NALF1: variants seen among roughly 807,000 people sequenced by gnomAD.
NALF1 encodes NALCN channel auxiliary factor 1.
In NALF1, 3 loss-of-function variants were observed where a neutral mutation model predicts 48.4. The ratio of observed to expected loss-of-function variants is 0.06; its 90% CI spans 0.03 to 0.16. NALF1 has a LOEUF of 0.16. NALF1 is among the 10% of genes least tolerant of loss of function. The pLI is 1.00. For missense variants in NALF1, 526 were observed against 571.5 expected (o/e 0.92, Z 0.81); for synonymous variants, 262 against 245.7 (o/e 1.07, Z -0.62).
intron 1 of NALF1, among the ~76,000 whole-genome samples, chr13:107,748,174 A>G (rs1464462921): frequency 6.6e-6 from 1 of 152,190 alleles, no homozygotes; most frequent in African/African-American, 2.4e-5. Context: ...TGAAAAGGAT[A>G]AGAAAATGAA....
intron 1 of NALF1, among the ~76,000 whole-genome samples, chr13:107,646,290 T>TAA (rs80217872): frequency 5.3e-5 from 7 of 132,292 alleles, no homozygotes; most frequent in Non-Finnish European, 8.2e-5. Flanking sequence ...GCCAACTTCT[T>TAA]AAAAAAAAAA....
chr13:107,529,976 G>A (rs572472264), intron 1 of NALF1, among the ~76,000 whole-genome samples: 44 of 152,180 alleles, frequency 2.9e-4, no homozygotes, highest in African/African-American at 1.0e-3. Context: ...CAGCTTTCAA[G>A]AGGAAGATGA....
intron 1 of NALF1, among the ~76,000 whole-genome samples, chr13:107,744,325 G>A (rs924448932): frequency 6.6e-6 from 1 of 152,154 alleles, no homozygotes; most frequent in Non-Finnish European, 1.5e-5. Context: ...AGATTGCCTC[G>A]AGAATTTTAA....
intron 1 of NALF1, among the ~76,000 whole-genome samples, chr13:107,518,691 C>G (rs1876139924): frequency 6.6e-6 from 1 of 152,072 alleles, no homozygotes; most frequent in Non-Finnish European, 1.5e-5. Flanking sequence ...AGAGAATGAT[C>G]ACTGCTTTAG....
chr13:107,720,108 A>C (rs926439670), intron 1 of NALF1, among the ~76,000 whole-genome samples: 1 of 152,158 alleles, frequency 6.6e-6, no homozygotes, highest in African/African-American at 2.4e-5. Context: ...ACTTTATTCC[A>C]TAGCGTTTTG....
intron 1 of NALF1, among the ~76,000 whole-genome samples, chr13:107,327,599 T>C (rs1462011445): frequency 2.0e-5 from 3 of 151,090 alleles, no homozygotes; most frequent in Non-Finnish European, 4.4e-5. Flanking sequence ...TAATTTCAGC[T>C]TGATGAAACA....
At chr13:107,429,592 C>A (rs1884340757) in intron 1 of NALF1, among the ~76,000 whole-genome samples, 1 of 152,104 alleles carries the variant, frequency 6.6e-6, no homozygotes, top group Admixed American at 6.5e-5. Flanking sequence ...TTAAAGGAGA[C>A]AAGAGACTAT....
intron 1 of NALF1, among the ~76,000 whole-genome samples, chr13:107,728,993 T>C (rs758152839): frequency 6.6e-6 from 1 of 152,220 alleles, no homozygotes; most frequent in Non-Finnish European, 1.5e-5. Context: ...TTTGATGTAT[T>C]TGTTCATCAT....
intron 1 of NALF1, among the ~76,000 whole-genome samples, chr13:107,794,652 A>AG (rs1252751314): frequency 6.6e-6 from 1 of 151,752 alleles, no homozygotes; most frequent in Non-Finnish European, 1.5e-5. Flanking sequence ...AGTTAAAAAA[A>AG]AAAAAACCTA....
chr13:107,570,122 T>C (rs966882942), intron 1 of NALF1, among the ~76,000 whole-genome samples: 1 of 152,192 alleles, frequency 6.6e-6, no homozygotes, highest in African/African-American at 2.4e-5. Context: ...TGGTGTTTTC[T>C]ATAATCATGT....
rs745780855 is a variant in NALF1, at chr13:107,382,263, A to G, written c.916-171508T>C. ...ATACATGGTACATGTATGACAGCAT[A>G]TATTGGCATATAAATTATGGCTTAA... On this transcript the variant is annotated intron_variant, in intron 1 of 2. Coordinates refer to ENST00000375915, the MANE Select transcript of NALF1 (RefSeq NM_001080396.3). Among the ~76,000 whole-genome samples, 15 of 152,334 alleles carry G rather than the reference A, an allele frequency of 9.8e-5. No individual in the cohort carries two copies. The South Asian group carries it at 2.1e-3, about 21-fold the overall frequency.
At chr13:107,763,931 T>C (rs1438210335) in intron 1 of NALF1, among the ~76,000 whole-genome samples, 1 of 152,160 alleles carries the variant, frequency 6.6e-6, no homozygotes, top group Non-Finnish European at 1.5e-5. Context: ...CCTGTTACTT[T>C]GCATTATATA....
At chr13:107,632,184 C>T (rs1240354797) in intron 1 of NALF1, among the ~76,000 whole-genome samples, 2 of 152,074 alleles carry the variant, frequency 1.3e-5, no homozygotes, top group South Asian at 2.1e-4. Context: ...ATTTTAAACG[C>T]TCTGGTGGCA....
intron 1 of NALF1, among the ~76,000 whole-genome samples, chr13:107,594,782 T>C (rs944978659): frequency 6.6e-6 from 1 of 152,044 alleles, no homozygotes; most frequent in African/African-American, 2.4e-5. Context: ...TTTTTCCTTT[T>C]AGAAGGATAT....
chr13:107,663,502 C>A (rs553607273), intron 1 of NALF1, among the ~76,000 whole-genome samples: 1 of 152,292 alleles, frequency 6.6e-6, no homozygotes, highest in East Asian at 1.9e-4. Flanking sequence ...GAAAACCCTG[C>A]AGAAGCCTGT....
chr13:107,298,981 A>G (rs1183856909), intron 1 of NALF1, among the ~76,000 whole-genome samples: 1 of 151,706 alleles, frequency 6.6e-6, no homozygotes. Flanking sequence ...GATCCAACCT[A>G]GGATCCTATA....
intron 1 of NALF1, among the ~76,000 whole-genome samples, chr13:107,683,969 C>T (rs941524204): frequency 6.6e-6 from 1 of 152,184 alleles, no homozygotes; most frequent in Non-Finnish European, 1.5e-5. Context: ...CAAACTCTGG[C>T]AATAGGCCAA....
chr13:107,707,095 T>C (rs1875400574), intron 1 of NALF1, among the ~76,000 whole-genome samples: 1 of 151,394 alleles, frequency 6.6e-6, no homozygotes, highest in African/African-American at 2.4e-5. Context: ...GCTAATTTTT[T>C]GTATTTTTAG....
chr13:107,210,537 G>A, intron 2 of NALF1, 47 bp downstream of exon 2: 1 of 1,367,548 alleles, frequency 7.3e-7, no homozygotes, highest in Middle Eastern at 1.8e-4. Context: ...ACACAAGAAA[G>A]CAAAACCACC....
Sources: allele counts gnomAD v4.1 joint callset (sites outside exome capture counted in the v4.1 genomes callset), GRCh38; gene constraint gnomAD v4.1.1; transcripts MANE v1.5; gene names NCBI Gene and HGNC (gene_info 2026-07-23, HGNC 2026-07-21).